Variants in IL2RB observed in about 807,000 individuals in gnomAD.
IL2RB encodes the protein interleukin 2 receptor subunit beta.
In IL2RB, 17 loss-of-function variants were observed where a neutral mutation model predicts 44.2. The observed-to-expected ratio is 0.38, with a 90% CI of 0.26 to 0.58. The LOEUF is 0.58. Among genes scored for constraint, IL2RB ranks in the 20% least tolerant of loss-of-function variants. The pLI is 0.63. For synonymous variants in IL2RB, 286 were observed against 297.9 expected (o/e 0.96, Z 0.41); for missense variants, 624 against 685.5 (o/e 0.91, Z 1.00).
intron 8 of IL2RB, among the ~76,000 whole-genome samples, chr22:37,134,569 G>C (rs1921591617): frequency 6.6e-6 from 1 of 152,134 alleles, no homozygotes; most frequent in South Asian, 2.1e-4. Context: ...TTGCGCCACT[G>C]TACTCCAGCC....
At chr22:37,134,318 C>A (rs1423773319) in intron 8 of IL2RB, among the ~76,000 whole-genome samples, 3 of 152,062 alleles carry the variant, frequency 2.0e-5, no homozygotes, top group Non-Finnish European at 4.4e-5. Context: ...AAATCAGGGA[C>A]TTGAGGCCGG....
chr22:37,171,696 C>T (rs1201987363), intron 1 of IL2RB, among the ~76,000 whole-genome samples: 2 of 152,212 alleles, frequency 1.3e-5, no homozygotes. Context: ...ATTCCCAATG[C>T]ATGCCTTTGC....
intron 4 of IL2RB, 36 bp downstream of exon 4, chr22:37,142,398 C>G: frequency 1.3e-6 from 2 of 1,577,726 alleles, no homozygotes; most frequent in African/African-American, 2.7e-5. Context: ...GGAGACCACC[C>G]TCTCCCTGCA....
chr22:37,128,052 G>A lies in IL2RB; in HGVS notation c.*44C>T, dbSNP rs3218326. ...CCTCAACAGGGTCCTTCTGAGGCTC[G>A]GCGCAGAGCAGGCAGCTGCCTGCCT... On this transcript the variant is annotated 3_prime_UTR_variant, in exon 10 of 10. Coordinates refer to ENST00000216223, the MANE Select transcript of IL2RB (RefSeq NM_000878.5). This position sits in a 1 kb window ranked among gnomAD's most constrained non-coding sequence, Gnocchi z 4.5. The A allele has an allele frequency of 2.3e-3, 3,280 of 1,447,748 alleles. 59 individuals are homozygous for A. The African/African-American group carries it at 0.042, about 18-fold the overall frequency. The allele number at this position is 1,447,748 out of a possible 1,614,324, so 89.7% of individuals were successfully genotyped here. A position where few individuals can be genotyped will look rare whatever the true frequency, so the allele number is the denominator to read the frequency against.
At position 37,170,072 on chromosome 22, in the gene IL2RB, G is replaced by GA. The variant is rs1569056283; in HGVS notation, c.-34+4885_-34+4886insT. On this transcript the variant is annotated intron_variant, in intron 1 of 5. Coordinates refer to the IL2RB transcript ENST00000429622. ...GATGGGGGAGAAGGAAGGAAGGATG[G>GA]GGGAGAAGGAAGGAAGAATGGATGG... Among the ~76,000 whole-genome samples the GA allele has an allele frequency of 0.015, 57 of 3,682 alleles. No homozygotes were observed. In the South Asian group the frequency reaches 0.25, roughly 16 times the overall value. The allele number at this position is 3,682 out of a possible 152,430, so 2.4% of individuals were successfully genotyped here. A position where few individuals can be genotyped will look rare whatever the true frequency, so the allele number is the denominator to read the frequency against.
Position 37,174,237 on chromosome 22 carries a change from G to A in IL2RB, c.-34+721C>T, listed in dbSNP as rs186095314. Among the ~76,000 whole-genome samples the A allele has an allele frequency of 2.0e-5, 3 of 152,328 alleles. No homozygotes were observed. The East Asian group carries it at 5.8e-4, about 29-fold the overall frequency. On this transcript the variant is annotated intron_variant, in intron 1 of 5. Transcript: ENST00000429622. The stretch of plus-strand genomic sequence containing the variant: ...ATGAAACGGAAGGGTTCGTCGCTGG[G>A]TTTTGAGACTTTTTTCCATGAAGCT...
intron 1 of IL2RB, among the ~76,000 whole-genome samples, chr22:37,144,871 G>C (rs769440948): frequency 7.9e-5 from 12 of 152,284 alleles, no homozygotes; most frequent in South Asian, 4.1e-4. Context: ...AACACACACA[G>C]AGTCACGTAA....
At position 37,149,870 on chromosome 22, in the gene IL2RB, C is replaced by T. The variant is rs1922402417; in HGVS notation, c.-79G>A. On this transcript the variant is annotated 5_prime_UTR_variant, in exon 1 of 10. Coordinates refer to ENST00000216223, the MANE Select transcript of IL2RB (RefSeq NM_000878.5). ...TGGCAGCGCGCGCTCTCCAGTCCTC[C>T]CCGGTGCTGGGACCGTGGCCATCTC... 4 of 985,720 alleles carry T rather than the reference C, an allele frequency of 4.1e-6. No homozygotes were observed. The highest frequency in any genetic ancestry group is 4.8e-6 in the Non-Finnish European group (4 of 830,220). 61.1% of individuals were successfully genotyped at this position (985,720 alleles called of 1,614,324 possible). A position where few individuals can be genotyped will look rare whatever the true frequency, so the allele number is the denominator to read the frequency against.
At chr22:37,148,081 G>T (rs1461401747) in intron 1 of IL2RB, among the ~76,000 whole-genome samples, 1 of 152,228 alleles carries the variant, frequency 6.6e-6, no homozygotes, top group Non-Finnish European at 1.5e-5. Flanking sequence ...ACAAAGGGGT[G>T]CAAGGTCAAA....
At chr22:37,155,509 C>A (rs1219212774) in intron 1 of IL2RB, among the ~76,000 whole-genome samples, 1 of 152,222 alleles carries the variant, frequency 6.6e-6, no homozygotes, top group Non-Finnish European at 1.5e-5. Flanking sequence ...CTCACTCTGT[C>A]AGGGCTTTGT....
At chr22:37,156,371 T>C (rs538518084) in intron 1 of IL2RB, among the ~76,000 whole-genome samples, 1 of 152,322 alleles carries the variant, frequency 6.6e-6, no homozygotes, top group African/African-American at 2.4e-5. Context: ...AAGAAAACAG[T>C]GACCTAAAAT....
intron 1 of IL2RB, among the ~76,000 whole-genome samples, chr22:37,165,864 G>A (rs920216725): frequency 1.3e-5 from 2 of 152,046 alleles, no homozygotes; most frequent in African/African-American, 2.4e-5. Context: ...GAATCCAACC[G>A]TCCACAACTC....
chr22:37,146,253 C>T (rs2146248699), intron 1 of IL2RB, among the ~76,000 whole-genome samples: 1 of 152,324 alleles, frequency 6.6e-6, no homozygotes, highest in South Asian at 2.1e-4. Flanking sequence ...CAGGCTCTCA[C>T]CTGCCTTCCC....
chr22:37,157,306 T>G (rs568844085), intron 1 of IL2RB, among the ~76,000 whole-genome samples: 7 of 152,290 alleles, frequency 4.6e-5, no homozygotes, highest in Admixed American at 4.6e-4. Context: ...CCATTCTCCC[T>G]GACTCCTTCC....
At chr22:37,169,383 T>C (rs1923197357) in intron 1 of IL2RB, among the ~76,000 whole-genome samples, 1 of 151,888 alleles carries the variant, frequency 6.6e-6, no homozygotes, top group East Asian at 1.9e-4. Context: ...ACAGAGGGAT[T>C]CTGTTTACAG....
At chr22:37,136,122 G>T in intron 7 of IL2RB, 106 bp downstream of exon 7, 1 of 1,226,724 alleles carries the variant, frequency 8.2e-7, no homozygotes, top group Non-Finnish European at 1.1e-6. Context: ...GAGGGATGGA[G>T]CTGACTGCTA....
intron 1 of IL2RB, among the ~76,000 whole-genome samples, chr22:37,148,224 G>A (rs1414501262): frequency 1.3e-5 from 2 of 152,224 alleles, no homozygotes; most frequent in Admixed American, 1.3e-4. Context: ...GAGTCCACGG[G>A]AGGATGGTGT....
rs1278932198 is a variant in IL2RB, at chr22:37,128,614, C to A, written c.1138G>T (p.Val380Leu). Residue 380 changes from valine (V) to leucine (L), a missense_variant, in exon 10 of 10, where the codon GTG becomes TTG. Around this residue, in one of 3 missense-constraint regions of IL2RB, gnomAD observed 291 missense variants for 275.5 expected, o/e 1.06. Coordinates refer to ENST00000216223, the MANE Select transcript of IL2RB (RefSeq NM_000878.5). The surrounding 1 kb of genome is among the most constrained non-coding windows in gnomAD (Gnocchi z 4.5). ...GAGTAGGGGTCGTAAGTAAAGTACA[C>A]CTGGCAGGCCTCTATCTCCAAGGCA... ...PDALEIEACQVYFTYDPYSEE... is the reference protein window; with the variant it reads ...PDALEIEACQLYFTYDPYSEE... The A allele has an allele frequency of 1.2e-6, 2 of 1,613,982 alleles. No homozygotes were observed. Among genetic ancestry groups the A allele is most frequent in the East Asian group, 2.2e-5 (1 of 44,874 alleles).
chr22:37,157,398 C>G (rs1365269648), intron 1 of IL2RB, among the ~76,000 whole-genome samples: 1 of 152,164 alleles, frequency 6.6e-6, no homozygotes, highest in Admixed American at 6.5e-5. Context: ...CCCCCAGGCT[C>G]CAGACCTGAA....
Sources: gnomAD v4.1 joint callset for allele counts (sites outside exome capture counted in the v4.1 genomes callset) on GRCh38, gnomAD v4.1.1 for gene constraint, gnomAD v4.1.1 regional missense constraint, Gnocchi (gnomAD v3.1) non-coding constraint, MANE v1.5 for transcripts, NCBI Gene and HGNC (gene_info 2026-07-23, HGNC 2026-07-21) for gene names.